Variants in SHROOM3 observed in about 807,000 individuals in gnomAD.
SHROOM3 encodes the protein protein Shroom3.
SHROOM3 carries 47 observed loss-of-function variants against 138.6 expected under a neutral mutation model. The ratio of observed to expected loss-of-function variants is 0.34; its 90% CI spans 0.27 to 0.43. SHROOM3 has a LOEUF of 0.43. SHROOM3 is among the 20% of genes least tolerant of loss of function. The probability of loss-of-function intolerance (pLI) is 1.00; values close to 1 mark genes in which losing one functional copy is unlikely to be tolerated. For synonymous variants in SHROOM3, 1,062 were observed against 1,063.3 expected, an observed-to-expected ratio of 1.00 and a Z score of 0.02; for missense variants, 2,491 against 2,596.5, an observed-to-expected ratio of 0.96 and a Z score of 0.88.
At chr4:76,665,847 T>C (rs977506497) in intron 2 of SHROOM3, among the ~76,000 whole-genome samples, 2 of 152,190 alleles carry the variant, frequency 1.3e-5, no homozygotes, top group Admixed American at 1.3e-4. Flanking sequence ...TACTGGTATA[T>C]GTCTAATCTT....
chr4:76,520,661 G>C (rs1579209298), intron 1 of SHROOM3, among the ~76,000 whole-genome samples: 1 of 152,102 alleles, frequency 6.6e-6, no homozygotes, highest in African/African-American at 2.4e-5. Context: ...TGTGATCCAG[G>C]TTGTCCCCAT....
At chr4:76,447,136 C>T (rs1244444374) in intron 1 of SHROOM3, among the ~76,000 whole-genome samples, 6 of 152,154 alleles carry the variant, frequency 3.9e-5, no homozygotes, top group Non-Finnish European at 7.3e-5. Flanking sequence ...AAACCTGGTA[C>T]AGACAGATCC....
At chr4:76,762,081 G>A (rs565993587) in intron 9 of SHROOM3, among the ~76,000 whole-genome samples, 5 of 152,052 alleles carry the variant, frequency 3.3e-5, no homozygotes, top group Non-Finnish European at 7.4e-5. Context: ...GTACTTGGAT[G>A]GGAGATCATG....
At chr4:76,673,711 T>C (rs1357360783) in intron 2 of SHROOM3, among the ~76,000 whole-genome samples, 1 of 152,206 alleles carries the variant, frequency 6.6e-6, no homozygotes, top group Non-Finnish European at 1.5e-5. Flanking sequence ...AACATAAAAT[T>C]TACCACCTTC....
At chr4:76,595,469 G>T (rs902599727) in intron 2 of SHROOM3, among the ~76,000 whole-genome samples, 3 of 152,154 alleles carry the variant, frequency 2.0e-5, no homozygotes, top group South Asian at 4.1e-4. Context: ...TGGTTGCAAG[G>T]TGTTTGCTGC....
At chr4:76,643,200 A>T (rs764339512) in intron 2 of SHROOM3, among the ~76,000 whole-genome samples, 12 of 120,026 alleles carry the variant, frequency 1.0e-4, no homozygotes, top group Non-Finnish European at 2.1e-4. Flanking sequence ...CCATTTTTTG[A>T]GATGCTGTCT....
intron 9 of SHROOM3, among the ~76,000 whole-genome samples, chr4:76,768,837 T>G (rs556759154): frequency 1.3e-5 from 2 of 152,154 alleles, no homozygotes; most frequent in South Asian, 4.1e-4. Flanking sequence ...TTTAGCCACC[T>G]GCAGCCTCTA....
chr4:76,582,733 A>G (rs1734075924), intron 2 of SHROOM3, among the ~76,000 whole-genome samples: 1 of 152,208 alleles, frequency 6.6e-6, no homozygotes, highest in Non-Finnish European at 1.5e-5. Flanking sequence ...AAATATTAGG[A>G]CTAGGAAGAC....
intron 2 of SHROOM3, among the ~76,000 whole-genome samples, chr4:76,677,943 T>G (rs1488352351): frequency 6.6e-6 from 1 of 152,120 alleles, no homozygotes; most frequent in East Asian, 1.9e-4. Context: ...AAGTCTAAAA[T>G]AAAATGTGTG....
At chr4:76,586,166 C>A (rs536228078) in intron 2 of SHROOM3, 2 of 824,108 alleles carry the variant, frequency 2.4e-6, no homozygotes, top group East Asian at 1.2e-4. Flanking sequence ...TCCTGTCAGG[C>A]AGGCGGCCGG....
At chr4:76,625,563 A>G (rs527324915) in intron 2 of SHROOM3, among the ~76,000 whole-genome samples, 5 of 152,012 alleles carry the variant, frequency 3.3e-5, no homozygotes, top group South Asian at 4.2e-4. Flanking sequence ...TCTCATCAAG[A>G]TAAAGTCAAG....
intron 1 of SHROOM3, among the ~76,000 whole-genome samples, chr4:76,551,884 CAG>C (rs1367627660): frequency 2.0e-5 from 3 of 151,272 alleles, no homozygotes; most frequent in African/African-American, 7.3e-5. Context: ...TTTTTTGAGA[CAG>C]AGTCTCGCTC....
intron 1 of SHROOM3, among the ~76,000 whole-genome samples, chr4:76,488,470 A>G (rs182571252): frequency 6.6e-5 from 10 of 152,356 alleles, no homozygotes; most frequent in Admixed American, 5.2e-4. Flanking sequence ...TAAAGGGAAC[A>G]TTGTTTCATT....
chr4:76,515,427 G>C (rs1732425389), intron 1 of SHROOM3, among the ~76,000 whole-genome samples: 1 of 151,848 alleles, frequency 6.6e-6, no homozygotes, highest in Non-Finnish European at 1.5e-5. Context: ...AACCAAACAA[G>C]AGAAGAGAGG....
intron 2 of SHROOM3, among the ~76,000 whole-genome samples, chr4:76,597,172 A>G (rs904716520): frequency 9.2e-5 from 14 of 152,252 alleles, no homozygotes; most frequent in African/African-American, 2.7e-4. Context: ...CATAAATAAA[A>G]TGACTTTATT....
At chr4:76,641,325 C>T (rs536702328) in intron 2 of SHROOM3, among the ~76,000 whole-genome samples, 2 of 152,096 alleles carry the variant, frequency 1.3e-5, no homozygotes, top group African/African-American at 4.8e-5. Flanking sequence ...TCCATCTTCT[C>T]CCTGCTCATC....
At chr4:76,445,095 CA>C (rs35001806) in intron 1 of SHROOM3, among the ~76,000 whole-genome samples, 1,645 of 119,520 alleles carry the variant, frequency 0.014, 17 homozygotes, top group African/African-American at 0.042. Flanking sequence ...GACATTGTCT[CA>C]AAAAAAAAAA....
chr4:76,528,567 C>A (rs1732754992), intron 1 of SHROOM3, among the ~76,000 whole-genome samples: 1 of 33,356 alleles, frequency 3.0e-5, no homozygotes, highest in Non-Finnish European at 5.2e-5. Context: ...TTTTTTGAGG[C>A]AGAGTTTTAC....
chr4:76,712,102 G>A lies in SHROOM3; in HGVS notation c.455+1815G>A, dbSNP rs570111003. Reference sequence around the variant, plus strand: ...TAACAAGGAGGTGTCCACAGGGCCCGATAGGCTAATCTAATGTCAGTGCCA... The same window carrying A: ...TAACAAGGAGGTGTCCACAGGGCCCAATAGGCTAATCTAATGTCAGTGCCA... On this transcript the variant is annotated intron_variant, in intron 3 of 10. Transcript: ENST00000296043. Among the ~76,000 whole-genome samples the A allele has an allele frequency of 3.3e-5, 5 of 152,306 alleles. No homozygotes were observed. In the East Asian group the frequency reaches 9.6e-4, roughly 29 times the overall value.
Sources: allele counts gnomAD v4.1 joint callset (sites outside exome capture counted in the v4.1 genomes callset), GRCh38; gene constraint gnomAD v4.1.1; transcripts MANE v1.5; gene names NCBI Gene and HGNC (gene_info 2026-07-23, HGNC 2026-07-21).